Variants in CHRM3 observed in about 807,000 individuals in gnomAD.
The protein encoded by CHRM3 is cholinergic receptor muscarinic 3, also known as muscarinic acetylcholine receptor M3.
Under a neutral mutation model 41.8 loss-of-function variants are expected in CHRM3, and 11 were observed. The observed-to-expected ratio is 0.26, with a 90% confidence interval of 0.17 to 0.44. CHRM3 has a LOEUF of 0.44. Among genes scored for constraint, CHRM3 ranks in the 20% least tolerant of loss-of-function variants. The pLI is 1.00. For synonymous variants in CHRM3, 297 were observed against 301.4 expected (o/e 0.99, Z 0.15); for missense variants, 571 against 745.4 (o/e 0.77, Z 2.72).
chr1:239,822,492 A>G (rs1672134080), intron 5 of CHRM3, among the ~76,000 whole-genome samples: 1 of 152,238 alleles, frequency 6.6e-6, no homozygotes, highest in Non-Finnish European at 1.5e-5. Flanking sequence ...ATGAAATGTG[A>G]GCATATTAAA....
At chr1:239,570,575 G>A (rs1661734326) in intron 3 of CHRM3, among the ~76,000 whole-genome samples, 1 of 152,098 alleles carries the variant, frequency 6.6e-6, no homozygotes, top group Non-Finnish European at 1.5e-5. Flanking sequence ...CAGTTTGTTG[G>A]TGTACTCAAA....
chr1:239,909,144 A>G lies in CHRM3; in HGVS notation c.1693A>G (p.Lys565Glu). 1 of 1,613,092 alleles carries G rather than the reference A, an allele frequency of 6.2e-7. No individual in the cohort carries two copies. The highest frequency in any genetic ancestry group is 8.5e-7 in the Non-Finnish European group (1 of 1,179,640). Residue 565 changes from lysine to glutamate, a missense_variant, in exon 7 of 7, where the codon AAA (lysine) becomes GAA (glutamate). By Grantham distance (56) the Lys-to-Glu change is moderately conservative. Coordinates refer to ENST00000676153, the MANE Select transcript of CHRM3 (RefSeq NM_001375978.1). The stretch of plus-strand genomic sequence containing the variant: ...GATGCTGCTGCTGTGCCAGTGTGAC[A>G]AAAAAAAGAGGCGCAAGCAGCAGTA... ...FKMLLLCQCD[K>E]KKRRKQQYQQ...
intron 1 of CHRM3, among the ~76,000 whole-genome samples, chr1:239,461,998 G>A (rs1036980177): frequency 1.3e-5 from 2 of 152,090 alleles, no homozygotes; most frequent in Non-Finnish European, 2.9e-5. Flanking sequence ...CCACCCTTGG[G>A]TAATACCGCT....
intron 5 of CHRM3, among the ~76,000 whole-genome samples, chr1:239,770,866 C>T (rs559417997): frequency 6.6e-6 from 1 of 152,214 alleles, no homozygotes; most frequent in South Asian, 2.1e-4. Context: ...ACGAGCAGAT[C>T]ACTTGAGGTC....
At chr1:239,518,576 T>A (rs957978762) in intron 2 of CHRM3, among the ~76,000 whole-genome samples, 2 of 152,166 alleles carry the variant, frequency 1.3e-5, no homozygotes, top group African/African-American at 4.8e-5. Flanking sequence ...AGGCTTGAAA[T>A]TTTTCACACT....
intron 1 of CHRM3, among the ~76,000 whole-genome samples, chr1:239,486,666 C>T (rs899295532): frequency 6.6e-5 from 10 of 152,140 alleles, no homozygotes; most frequent in Non-Finnish European, 1.5e-5. Context: ...TCTAATAAAA[C>T]TTTATTTACA....
Position 239,909,096 on chromosome 1 carries a change from A to G in CHRM3, c.1645A>G (p.Lys549Glu). ...VNPVCYALCN[K>E]TFRTTFKMLL... ...CCCCGTGTGCTATGCTCTGTGCAAC[A>G]AAACATTCAGAACCACTTTCAAGAT... The change falls in exon 7 of 7, where the codon AAA becomes GAA. Residue 549 changes from lysine to glutamate, a missense_variant. Physicochemically the swap from Lys to Glu is moderately conservative, Grantham distance 56. Around this residue, in one of 5 missense-constraint regions of CHRM3, gnomAD observed 43 missense variants for 93.7 expected, o/e 0.46. Coordinates refer to ENST00000676153, the MANE Select transcript of CHRM3 (RefSeq NM_001375978.1). 6.2e-7 allele frequency: 1 copy of G among 1,614,180 alleles called. No homozygotes were observed. Among genetic ancestry groups the G allele is most frequent in the South Asian group, 1.1e-5 (1 of 91,078 alleles).
intron 1 of CHRM3, among the ~76,000 whole-genome samples, chr1:239,492,283 T>C (rs1008014856): frequency 8.5e-5 from 13 of 152,212 alleles, no homozygotes; most frequent in African/African-American, 2.9e-4. Flanking sequence ...TGAAAACTTT[T>C]CCCACATTCT....
At chr1:239,895,844 G>A (rs1678955677) in intron 6 of CHRM3, among the ~76,000 whole-genome samples, 1 of 152,116 alleles carries the variant, frequency 6.6e-6, no homozygotes, top group African/African-American at 2.4e-5. Context: ...TGGAGGGAAA[G>A]GATTGAAAAT....
Position 239,386,614 on chromosome 1 carries a change from G to C in CHRM3, c.-1134G>C, listed in dbSNP as rs1051996598. ...GGAGGAGGAGGAGCAGGAGGAACGCGAGGAGGAAGGAGAGGAGGAGCGGCC... is the reference window on the plus strand; with the variant it reads ...GGAGGAGGAGGAGCAGGAGGAACGCCAGGAGGAAGGAGAGGAGGAGCGGCC... On this transcript the variant is annotated 5_prime_UTR_variant, in exon 1 of 7. Coordinates refer to ENST00000676153, the MANE Select transcript of CHRM3 (RefSeq NM_001375978.1). The C allele has an allele frequency of 6.5e-6, 1 of 154,042 alleles. No individual in the cohort carries two copies. The highest frequency in any genetic ancestry group is 1.4e-5 in the Non-Finnish European group (1 of 69,528). The allele number at this position is 154,042 out of a possible 1,614,324, so 9.5% of individuals were successfully genotyped here. A position where few individuals can be genotyped will look rare whatever the true frequency, so the allele number is the denominator to read the frequency against.
intron 2 of CHRM3, among the ~76,000 whole-genome samples, chr1:239,533,164 A>G (rs562400622): frequency 6.6e-6 from 1 of 152,270 alleles, no homozygotes; most frequent in Admixed American, 6.5e-5. Context: ...AAAATACAGA[A>G]CAGGACCCCC....
At chr1:239,537,087 T>C (rs1223285127) in intron 2 of CHRM3, among the ~76,000 whole-genome samples, 1 of 152,170 alleles carries the variant, frequency 6.6e-6, no homozygotes, top group African/African-American at 2.4e-5. Flanking sequence ...TGCCAATTTC[T>C]CTGCAGTTTC....
At chr1:239,887,004 T>A (rs1254327215) in intron 6 of CHRM3, among the ~76,000 whole-genome samples, 1 of 152,198 alleles carries the variant, frequency 6.6e-6, no homozygotes, top group Admixed American at 6.5e-5. Context: ...TTTGTCTCTT[T>A]GTCTTCCTTA....
intron 1 of CHRM3, among the ~76,000 whole-genome samples, chr1:239,438,547 C>T (rs1019265977): frequency 6.6e-6 from 1 of 152,150 alleles, no homozygotes; most frequent in Non-Finnish European, 1.5e-5. Context: ...ATCGTATGAT[C>T]TCCTTCTTGT....
At chr1:239,412,946 C>T (rs185754187) in intron 1 of CHRM3, among the ~76,000 whole-genome samples, 15 of 151,828 alleles carry the variant, frequency 9.9e-5, no homozygotes, top group Admixed American at 2.0e-4. Context: ...GGCATGGTGG[C>T]GCACATCTAT....
At chr1:239,646,255 G>A (rs770198539) in intron 4 of CHRM3, among the ~76,000 whole-genome samples, 12 of 152,112 alleles carry the variant, frequency 7.9e-5, no homozygotes, top group South Asian at 2.1e-4. Flanking sequence ...ATATGTTCTC[G>A]AGACAGACCA....
chr1:239,435,330 G>A (rs552889061), intron 1 of CHRM3, among the ~76,000 whole-genome samples: 149 of 151,946 alleles, frequency 9.8e-4, no homozygotes, highest in Admixed American at 1.5e-3. Flanking sequence ...GGTGCCTGTA[G>A]TCCAGCTACT....
chr1:239,433,855 C>G (rs539363077), intron 1 of CHRM3, among the ~76,000 whole-genome samples: 1 of 152,240 alleles, frequency 6.6e-6, no homozygotes, highest in East Asian at 1.9e-4. Flanking sequence ...TCTTTATCCA[C>G]TCGTTGATCC....
chr1:239,650,467 A>G (rs1282658717), intron 4 of CHRM3, among the ~76,000 whole-genome samples: 2 of 152,236 alleles, frequency 1.3e-5, no homozygotes, highest in Non-Finnish European at 2.9e-5. Context: ...AGGGGAAAAA[A>G]GAAGTGTGAG....
Sources: allele counts gnomAD v4.1 joint callset (sites outside exome capture counted in the v4.1 genomes callset), GRCh38; gene constraint gnomAD v4.1.1; regional missense constraint gnomAD v4.1.1; transcripts MANE v1.5; gene names NCBI Gene and HGNC (gene_info 2026-07-23, HGNC 2026-07-21).